The following ADAMTS14 variants were observed in gnomAD, a reference collection of about 807,000 sequenced individuals.
The protein encoded by ADAMTS14 is A disintegrin and metalloproteinase with thrombospondin motifs 14.
In ADAMTS14, 100 loss-of-function variants were observed where a neutral mutation model predicts 128.6. The ratio of observed to expected loss-of-function variants is 0.78; its 90% CI spans 0.66 to 0.92. The LOEUF (loss-of-function observed/expected upper bound fraction) is 0.92. Ranked by LOEUF, ADAMTS14 falls within the 40% of genes least tolerant of loss-of-function variation. The probability of loss-of-function intolerance (pLI) is 0.00; values close to 1 mark genes in which losing one functional copy is unlikely to be tolerated. For missense variants in ADAMTS14, 1,562 were observed against 1,658.6 expected (o/e 0.94, Z 1.01); for synonymous variants, 665 against 653.8 (o/e 1.02, Z -0.26).
chr10:70,674,109 C>T (rs138706895), intron 1 of ADAMTS14, among the ~76,000 whole-genome samples: 32 of 152,214 alleles, frequency 2.1e-4, no homozygotes, highest in Non-Finnish European at 3.5e-4. Context: ...TTGCCAGCTG[C>T]GTTCTTGGAA....
At chr10:70,735,080 C>T in intron 8 of ADAMTS14, 89 bp from the exon 9 acceptor site, 1 of 1,510,278 alleles carries the variant, frequency 6.6e-7, no homozygotes, top group Non-Finnish European at 8.9e-7. Flanking sequence ...TCTTGCAGGC[C>T]TTGCTCATGA....
Position 70,762,416 on chromosome 10 carries a change from A to G in ADAMTS14, c.*1563A>G, listed in dbSNP as rs960757200. 4 of 152,256 alleles carry G rather than the reference A, an allele frequency of 2.6e-5. No individual in the cohort carries two copies. Among genetic ancestry groups the G allele is most frequent in the Non-Finnish European group, 5.9e-5 (4 of 68,068 alleles). 9.4% of individuals were successfully genotyped at this position (152,256 alleles called of 1,614,324 possible). A position where few individuals can be genotyped will look rare whatever the true frequency, so the allele number is the denominator to read the frequency against. On this transcript the variant is annotated 3_prime_UTR_variant, in exon 22 of 22. Transcript: ENST00000373207. ...CAGATCTTTAAAATTTTATGTATTTATTAACATCGCCATTGGACCCCAAAA... is the reference window on the plus strand; with the variant it reads ...CAGATCTTTAAAATTTTATGTATTTGTTAACATCGCCATTGGACCCCAAAA...
At chr10:70,759,937 C>G (rs780427352) in intron 21 of ADAMTS14, among the ~76,000 whole-genome samples, 2 of 152,204 alleles carry the variant, frequency 1.3e-5, no homozygotes, top group Admixed American at 1.3e-4. Flanking sequence ...CAGTGTGCAG[C>G]AGGGCTGAGG....
chr10:70,757,248 C>A (rs989864040), intron 19 of ADAMTS14, among the ~76,000 whole-genome samples: 56 of 152,184 alleles, frequency 3.7e-4, no homozygotes, highest in African/African-American at 1.3e-3. Flanking sequence ...CCACCCCCTG[C>A]AAACGGTGGT....
intron 4 of ADAMTS14, among the ~76,000 whole-genome samples, chr10:70,726,340 C>T (rs1458097560): frequency 1.3e-5 from 2 of 152,180 alleles, no homozygotes; most frequent in Non-Finnish European, 2.9e-5. Flanking sequence ...AGAAATATGG[C>T]AGGAGTCTGG....
intron 2 of ADAMTS14, among the ~76,000 whole-genome samples, chr10:70,700,911 A>G (rs1840474553): frequency 6.6e-6 from 1 of 152,232 alleles, no homozygotes. Flanking sequence ...TTGACATTTT[A>G]ACAAGCACAC....
chr10:70,706,940 C>T (rs182523902), intron 3 of ADAMTS14, among the ~76,000 whole-genome samples: 2,468 of 152,288 alleles, frequency 0.016, 67 homozygotes, highest in African/African-American at 0.056. Flanking sequence ...GGGGTCTGCA[C>T]TCACTCGCTC....
chr10:70,728,444 CA>C (rs916253815), intron 4 of ADAMTS14, among the ~76,000 whole-genome samples: 12 of 152,086 alleles, frequency 7.9e-5, no homozygotes, highest in African/African-American at 2.7e-4. Flanking sequence ...TTATTTAAAA[CA>C]AAAAAGCTGG....
chr10:70,706,964 A>G (rs1047017540), intron 3 of ADAMTS14, among the ~76,000 whole-genome samples: 5 of 152,194 alleles, frequency 3.3e-5, no homozygotes, highest in African/African-American at 9.6e-5. Context: ...TGTGTAAAAT[A>G]AACAATCACA....
chr10:70,735,289 G>A lies in ADAMTS14; in HGVS notation c.1473G>A (p.Gln491=), dbSNP rs773927392. 6.2e-7 allele frequency: 1 copy of A among 1,613,888 alleles called. No individual in the cohort carries two copies. The highest frequency in any genetic ancestry group is 1.7e-5 in the Admixed American group (1 of 60,002). ...QCRFDFGSGY[Q]TCLAFRTFEP... is the part of the protein sequence containing the mutation. ...GCTTTGACTTTGGCAGTGGCTACCA[G>A]ACCTGCTTGGCAGTAAGTAGCCATC... Residue 491 remains glutamine (Q), a synonymous_variant, in exon 9 of 22, where the codon CAG becomes CAA. Coordinates refer to ENST00000373207, the MANE Select transcript of ADAMTS14 (RefSeq NM_080722.4).
chr10:70,710,619 A>G (rs996700911), intron 4 of ADAMTS14, among the ~76,000 whole-genome samples: 15 of 152,240 alleles, frequency 9.9e-5, no homozygotes, highest in Admixed American at 9.2e-4. Flanking sequence ...ATCGGCCAAG[A>G]GCACACAGTC....
intron 11 of ADAMTS14, among the ~76,000 whole-genome samples, chr10:70,740,255 C>G (rs574745668): frequency 9.8e-5 from 15 of 152,328 alleles, no homozygotes; most frequent in African/African-American, 3.6e-4. Context: ...CTGTGCAATT[C>G]TCCCACATGT....
chr10:70,703,238 C>T (rs17600642), intron 3 of ADAMTS14, among the ~76,000 whole-genome samples: 2 of 152,112 alleles, frequency 1.3e-5, no homozygotes, highest in Admixed American at 6.5e-5. Context: ...TATGGTTGGG[C>T]GAATGAAACT....
chr10:70,755,805 C>A (rs1008778170), intron 19 of ADAMTS14, among the ~76,000 whole-genome samples: 3 of 152,162 alleles, frequency 2.0e-5, no homozygotes, highest in African/African-American at 7.2e-5. Context: ...GCCAAGATCA[C>A]GCCATTGTAT....
In ADAMTS14 at chr10:70,760,645, T is replaced by C. The variant is rs1291794858; in HGVS notation, c.3464T>C (p.Leu1155Pro). Residue 1155 changes from leucine (L) to proline (P), a missense_variant, in exon 22 of 22, where the codon CTG becomes CCG. Leu to Pro is a moderately conservative substitution (Grantham distance 98, BLOSUM62 -3). Coordinates refer to ENST00000373207, the MANE Select transcript of ADAMTS14 (RefSeq NM_080722.4). The stretch of plus-strand genomic sequence containing the variant: ...CGAGCCACACAGCTCCCAGGAGCTC[T>C]GGATACAAGCTCCCCAGGGACCCAG... The part of the protein sequence containing the change: ...HGRATQLPGA[L>P]DTSSPGTQHP... 1 of 1,614,152 alleles carries C rather than the reference T, an allele frequency of 6.2e-7. No homozygotes were observed. Among genetic ancestry groups the C allele is most frequent in the Non-Finnish European group, 8.5e-7 (1 of 1,180,016 alleles).
chr10:70,685,048 G>C (rs1170754453), intron 2 of ADAMTS14, among the ~76,000 whole-genome samples: 1 of 152,264 alleles, frequency 6.6e-6, no homozygotes, highest in African/African-American at 2.4e-5. Context: ...ATTCCAGCAA[G>C]GGCTGGTTTT....
intron 4 of ADAMTS14, among the ~76,000 whole-genome samples, chr10:70,713,989 T>G (rs905845397): frequency 1.3e-5 from 2 of 151,196 alleles, no homozygotes; most frequent in Non-Finnish European, 2.9e-5. Context: ...AGGCCAGGAG[T>G]TCAAGACAAG....
chr10:70,708,446 T>C lies in ADAMTS14; in HGVS notation c.680-142T>C, dbSNP rs1031486322. ...CTCTTGCCCATGAGTTGACCTAGTA[T>C]GGAGCAATCCCTCATACTACTTTAC... On this transcript the variant is annotated intron_variant, in intron 3 of 21. Transcript: ENST00000373207. The C allele has an allele frequency of 1.3e-5, 9 of 692,002 alleles. No homozygotes were observed. The African/African-American group carries it at 1.6e-4, about 12-fold the overall frequency. The allele number at this position is 692,002 out of a possible 1,614,324, so 42.9% of individuals were successfully genotyped here.
intron 11 of ADAMTS14, among the ~76,000 whole-genome samples, chr10:70,740,445 G>T (rs1841960104): frequency 6.6e-6 from 1 of 152,190 alleles, no homozygotes; most frequent in South Asian, 2.1e-4. Flanking sequence ...GTTTTCAAGG[G>T]GAAATTAAGC....
Sources: allele counts gnomAD v4.1 joint callset (sites outside exome capture counted in the v4.1 genomes callset), GRCh38; gene constraint gnomAD v4.1.1; transcripts MANE v1.5; gene names NCBI Gene and HGNC (gene_info 2026-07-23, HGNC 2026-07-21).